Variants in XIST observed in about 807,000 individuals in gnomAD.
The protein encoded by XIST is X inactive specific transcript.
At chrX:73,843,165 G>T (rs771977145) in exon 1 of XIST, 1 of 558,304 alleles carries the variant, frequency 1.8e-6, no homozygotes, top group Admixed American at 2.2e-5. Flanking sequence ...ACAGTCCCAG[G>T]AGAAGTTTTG....
intron 2 of XIST, among the ~76,000 whole-genome samples, chrX:73,834,073 C>T (rs907618589): frequency 1.3e-4 from 15 of 111,994 alleles, no homozygotes; most frequent in African/African-American, 4.9e-4. Flanking sequence ...CTCTTGCCAA[C>T]ATCCTTCCCC....
At chrX:73,842,865 G>A in exon 1 of XIST, 1 of 558,343 alleles carries the variant, frequency 1.8e-6, no homozygotes, top group East Asian at 3.2e-5. Context: ...TGCAAATATG[G>A]ACACCTGAGA....
Position 73,837,468 on chromosome X carries a change from T to TA in XIST, n.11377dup, listed in dbSNP as rs1371016369. 5.9e-6 allele frequency: 3 copies of TA among 507,015 alleles called. No individual in the cohort carries two copies. The African/African-American group carries it at 7.0e-5, about 12-fold the overall frequency. 41.8% of individuals were successfully genotyped at this position (507,015 alleles called of 1,213,427 possible). On this transcript the variant is annotated non_coding_transcript_exon_variant, in exon 2 of 6. Transcript: ENST00000429829. ...GAGGAGCCTAAGGAGACATGACTAC[T>TA]AAGGACACATGCAGCGTGGTATCTT...
At chrX:73,825,515 A>G in exon 6 of XIST, 1 of 515,862 alleles carries the variant, frequency 1.9e-6, no homozygotes, top group Non-Finnish European at 3.5e-6. Flanking sequence ...GGCACAGAAA[A>G]GGAAACTAGT....
chrX:73,846,952 T>C (rs756762101), exon 1 of XIST: 1 of 557,650 alleles, frequency 1.8e-6, no homozygotes, highest in South Asian at 2.2e-5. Context: ...CCATCTACAG[T>C]TCGAAGAGAA....
At chrX:73,848,583 C>T (rs751463356) in exon 1 of XIST, 4 of 555,991 alleles carry the variant, frequency 7.2e-6, no homozygotes, top group Admixed American at 6.7e-5. Flanking sequence ...TACAGAGTCC[C>T]TTTCTAATGG....
exon 1 of XIST, chrX:73,846,682 G>T (rs760290898): frequency 3.6e-6 from 2 of 559,037 alleles, no homozygotes; most frequent in Non-Finnish European, 6.5e-6. Context: ...GGGGATGAGG[G>T]GAGCACTTTC....
At chrX:73,844,492 A>G (rs1478999496) in exon 1 of XIST, 2 of 557,539 alleles carry the variant, frequency 3.6e-6, no homozygotes, top group African/African-American at 4.5e-5. Flanking sequence ...GTAGGACTTT[A>G]TTCAAATAGG....
exon 6 of XIST, chrX:73,823,854 T>C (rs199654523): frequency 5.9e-5 from 33 of 556,820 alleles, no homozygotes; most frequent in Admixed American, 5.6e-4. Flanking sequence ...CTTCATTTCC[T>C]TCTGTGAGCA....
exon 6 of XIST, chrX:73,821,272 C>T: frequency 1.8e-6 from 1 of 555,899 alleles, no homozygotes; most frequent in Non-Finnish European, 3.3e-6. Flanking sequence ...TTATCTATTT[C>T]CTTCTCCACT....
At chrX:73,825,127 T>C (rs1187228198) in exon 6 of XIST, 1 of 519,621 alleles carries the variant, frequency 1.9e-6, no homozygotes. Flanking sequence ...GCATGGTATC[T>C]GGCACATTAT....
chrX:73,849,407 C>T, exon 1 of XIST: 1 of 558,842 alleles, frequency 1.8e-6, no homozygotes, highest in South Asian at 2.2e-5. Flanking sequence ...TAGAATTTTA[C>T]TCAATGCAAA....
exon 1 of XIST, chrX:73,849,796 T>C (rs1241762789): frequency 1.9e-6 from 1 of 521,346 alleles, no homozygotes; most frequent in Admixed American, 2.6e-5. Context: ...AGAGTGACTT[T>C]CGAGAGAAGC....
chrX:73,823,941 AAGCCAAT>A (rs763013514), exon 6 of XIST: 3 of 555,281 alleles, frequency 5.4e-6, no homozygotes, highest in Non-Finnish European at 9.8e-6. Context: ...ACCATTCAGT[AAGCCAAT>A]AGTTCATTCC....
chrX:73,849,999 A>C (rs371965637), exon 1 of XIST: 2 of 555,995 alleles, frequency 3.6e-6, no homozygotes, highest in Non-Finnish European at 6.5e-6. Context: ...CTCCAATATA[A>C]TAAGTCTGAA....
chrX:73,852,668 G>C (rs1167602772), exon 1 of XIST: 2 of 471,113 alleles, frequency 4.2e-6, no homozygotes, highest in Non-Finnish European at 7.3e-6. Context: ...CAAGTGCAGA[G>C]AGATCTTCAG....
rs748416071 is a variant in XIST, at chrX:73,852,677, A to G, written n.47T>C. On this transcript the variant is annotated non_coding_transcript_exon_variant, in exon 1 of 6. Coordinates refer to ENST00000429829, the Ensembl canonical transcript of XIST. ...GAACCCCAAGTGCAGAGAGATCTTC[A>G]GTCAGGAAGCTTCCAGCCCCGAGAG... 6.2e-5 allele frequency: 29 copies of G among 467,441 alleles called. No individual in the cohort carries two copies. The South Asian group carries it at 9.6e-4, about 15-fold the overall frequency. The allele number at this position is 467,441 out of a possible 1,213,427, so 38.5% of individuals were successfully genotyped here.
exon 1 of XIST, chrX:73,845,100 C>T (rs45483698): frequency 0.043 from 23,668 of 552,727 alleles, 409 homozygotes; most frequent in Middle Eastern, 0.057. Context: ...GGGCCATGTG[C>T]AGTTACACAC....
chrX:73,846,070 A>G (rs1207654496), exon 1 of XIST: 12 of 544,810 alleles, frequency 2.2e-5, no homozygotes, highest in African/African-American at 1.2e-4. Context: ...TCTTATGGAG[A>G]GGGCACTCCC....
Sources: gnomAD v4.1 joint callset for allele counts (sites outside exome capture counted in the v4.1 genomes callset) on GRCh38, gnomAD v4.1.1 for gene constraint, MANE v1.5 for transcripts, NCBI Gene and HGNC (gene_info 2026-07-23, HGNC 2026-07-21) for gene names.